Variants in ZDHHC16 observed in about 807,000 individuals in gnomAD.
ZDHHC16 encodes the protein palmitoyltransferase ZDHHC16.
ZDHHC16 carries 33 observed loss-of-function variants against 54.4 expected under a neutral mutation model. The observed-to-expected ratio is 0.61, with a 90% CI of 0.46 to 0.81. ZDHHC16 has a LOEUF of 0.81. Ranked by LOEUF, ZDHHC16 falls within the 30% of genes least tolerant of loss-of-function variation. The pLI is 0.00. For synonymous variants in ZDHHC16, 185 were observed against 182.1 expected, an observed-to-expected ratio of 1.02 and a Z score of -0.13; for missense variants, 420 against 485.9, an observed-to-expected ratio of 0.86 and a Z score of 1.28.
Position 97,456,948 on chromosome 10 carries a change from G to C in ZDHHC16, c.*57G>C. On this transcript the variant is annotated 3_prime_UTR_variant, in exon 12 of 12. Coordinates refer to ENST00000393760, the MANE Select transcript of ZDHHC16 (RefSeq NM_198046.3). ...CATTCTGCTCCCTATGTTATTTCAA[G>C]GGCCTCCAAGGGCAGCTTTTCTCAG... 7.5e-7 allele frequency: 1 copy of C among 1,341,720 alleles called. No individual in the cohort carries two copies. Among genetic ancestry groups the C allele is most frequent in the South Asian group, 1.4e-5 (1 of 70,122 alleles). 83.1% of individuals were successfully genotyped at this position (1,341,720 alleles called of 1,614,324 possible).
chr10:97,454,803 T>C lies in ZDHHC16; in HGVS notation c.824+4T>C, dbSNP rs1436766786. 4 of 1,613,912 alleles carry C rather than the reference T, an allele frequency of 2.5e-6. No individual in the cohort carries two copies. Among genetic ancestry groups the C allele is most frequent in the Non-Finnish European group, 3.4e-6 (4 of 1,179,934 alleles). ...TCTACCTCTGGTTCCTGTGCAGGTATTTGTTTTTGATAGTTTTAAGGGAGG... is the reference window on the plus strand; with the variant it reads ...TCTACCTCTGGTTCCTGTGCAGGTACTTGTTTTTGATAGTTTTAAGGGAGG... On this transcript the variant is annotated splice_donor_region_variant and intron_variant, in intron 9 of 11. Transcript: ENST00000393760.
Position 97,446,267 on chromosome 10 carries a change from G to C in ZDHHC16, c.-272G>C, listed in dbSNP as rs1414918554. ...GGTTTGGATTGAGCCGGGCCCGGCC[G>C]GGGCGCCGAGTCGGAGGGGGTGGCA... On this transcript the variant is annotated 5_prime_UTR_variant, in exon 1 of 12. Transcript: ENST00000393760. 3.5e-5 allele frequency: 19 copies of C among 538,188 alleles called. No homozygotes were observed. Among genetic ancestry groups the C allele is most frequent in the Non-Finnish European group, 1.7e-5 (5 of 301,364 alleles). The allele number at this position is 538,188 out of a possible 1,614,324, so 33.3% of individuals were successfully genotyped here. A position where few individuals can be genotyped will look rare whatever the true frequency, so the allele number is the denominator to read the frequency against.
At chr10:97,455,043 C>T (rs1260036972) in intron 9 of ZDHHC16, among the ~76,000 whole-genome samples, 2 of 152,150 alleles carry the variant, frequency 1.3e-5, no homozygotes, top group African/African-American at 2.4e-5. Context: ...AAGTTAAACT[C>T]CTTATTTAAT....
At position 97,452,077 on chromosome 10, in the gene ZDHHC16, C is replaced by T. The variant is rs774722126; in HGVS notation, c.244-13C>T. 2.5e-6 allele frequency: 4 copies of T among 1,613,692 alleles called. No individual in the cohort carries two copies. The highest frequency in any genetic ancestry group is 2.2e-5 in the South Asian group (2 of 91,080). ...CTTGCGCCATGTCTCCCTGACCTTG[C>T]TGGTGTTGGCAGGTGTTCGTGGTCC... On this transcript the variant is annotated splice_polypyrimidine_tract_variant and intron_variant, in intron 3 of 11. Coordinates refer to ENST00000393760, the MANE Select transcript of ZDHHC16 (RefSeq NM_198046.3).
chr10:97,452,404 C>T lies in ZDHHC16; in HGVS notation c.439-11C>T. The T allele has an allele frequency of 1.2e-6, 2 of 1,613,962 alleles. No homozygotes were observed. Among genetic ancestry groups the T allele is most frequent in the Non-Finnish European group, 1.7e-6 (2 of 1,179,900 alleles). On this transcript the variant is annotated splice_polypyrimidine_tract_variant and intron_variant, in intron 4 of 11. Coordinates refer to ENST00000393760, the MANE Select transcript of ZDHHC16 (RefSeq NM_198046.3). ...ACTGGTGCTGCCACGTTATGCTCTC[C>T]CTTCACACAGGGCAGGAATGATATC...
At chr10:97,447,400 G>C (rs1846181251) in intron 1 of ZDHHC16, among the ~76,000 whole-genome samples, 1 of 152,250 alleles carries the variant, frequency 6.6e-6, no homozygotes, top group Admixed American at 6.5e-5. Flanking sequence ...AAACAGATGT[G>C]ACTTAAAGCC....
At chr10:97,449,074 T>C (rs961567523) in intron 1 of ZDHHC16, among the ~76,000 whole-genome samples, 2 of 152,052 alleles carry the variant, frequency 1.3e-5, no homozygotes, top group Non-Finnish European at 2.9e-5. Flanking sequence ...CCCAGTAGAG[T>C]TGAATGATTT....
chr10:97,446,180 T>A lies in ZDHHC16; in HGVS notation c.-359T>A. On this transcript the variant is annotated 5_prime_UTR_variant, in exon 1 of 12. Transcript: ENST00000393760. Reference sequence around the variant, plus strand: ...CCACGCTGGCGCCTGCGCGTGTGGTTGAGGATGGGCTGGCGGCGGGTCCGG... The same window carrying A: ...CCACGCTGGCGCCTGCGCGTGTGGTAGAGGATGGGCTGGCGGCGGGTCCGG... 1.3e-6 allele frequency: 1 copy of A among 781,164 alleles called. No individual in the cohort carries two copies. The highest frequency in any genetic ancestry group is 2.1e-6 in the Non-Finnish European group (1 of 485,466). The allele number at this position is 781,164 out of a possible 1,614,324, so 48.4% of individuals were successfully genotyped here.
Position 97,456,938 on chromosome 10 carries a change from G to A in ZDHHC16, c.*47G>A. 6.9e-7 allele frequency: 1 copy of A among 1,453,100 alleles called. No individual in the cohort carries two copies. Among genetic ancestry groups the A allele is most frequent in the Non-Finnish European group, 9.3e-7 (1 of 1,072,914 alleles). The allele number at this position is 1,453,100 out of a possible 1,614,324, so 90.0% of individuals were successfully genotyped here. A position where few individuals can be genotyped will look rare whatever the true frequency, so the allele number is the denominator to read the frequency against. Reference sequence around the variant, plus strand: ...CTCGAGCACTCATTCTGCTCCCTATGTTATTTCAAGGGCCTCCAAGGGCAG... The same window carrying A: ...CTCGAGCACTCATTCTGCTCCCTATATTATTTCAAGGGCCTCCAAGGGCAG... On this transcript the variant is annotated 3_prime_UTR_variant, in exon 12 of 12. Coordinates refer to ENST00000393760, the MANE Select transcript of ZDHHC16 (RefSeq NM_198046.3).
chr10:97,455,809 G>C (rs1040099301), intron 10 of ZDHHC16, 26 bp downstream of exon 10: 8 of 1,609,724 alleles, frequency 5.0e-6, no homozygotes, highest in Non-Finnish European at 5.1e-6. Flanking sequence ...GGCTCGGGGT[G>C]GGTAGGTGGG....
At position 97,446,280 on chromosome 10, in the gene ZDHHC16, G is replaced by T. The variant is rs1433050910; in HGVS notation, c.-259G>T. ...CCGGGCCCGGCCGGGGCGCCGAGTC[G>T]GAGGGGGTGGCAGTGAGCGGCGGCA... On this transcript the variant is annotated 5_prime_UTR_variant, in exon 1 of 12. Transcript: ENST00000393760. 8 of 526,756 alleles carry T rather than the reference G, an allele frequency of 1.5e-5. No homozygotes were observed. The highest frequency in any genetic ancestry group is 9.7e-5 in the African/African-American group (5 of 51,318). 32.6% of individuals were successfully genotyped at this position (526,756 alleles called of 1,614,324 possible).
intron 2 of ZDHHC16, 104 bp downstream of exon 2, chr10:97,450,640 A>G (rs1025309280): frequency 1.3e-5 from 2 of 152,280 alleles, no homozygotes; most frequent in Non-Finnish European, 2.9e-5. Context: ...GTCATTGCCC[A>G]GGCAGCCGAT....
intron 8 of ZDHHC16, 60 bp from the exon 9 acceptor site, chr10:97,454,654 G>A: frequency 1.4e-6 from 2 of 1,432,222 alleles, no homozygotes; most frequent in Non-Finnish European, 2.0e-6. Flanking sequence ...ATAGGTGCTG[G>A]GGGCAGTTGC....
intron 6 of ZDHHC16, 58 bp downstream of exon 6, chr10:97,452,981 G>T: frequency 3.7e-6 from 6 of 1,609,526 alleles, no homozygotes; most frequent in Non-Finnish European, 5.1e-6. Context: ...GCACTGTACA[G>T]GGTTAATGGC....
intron 5 of ZDHHC16, 165 bp downstream of exon 5, chr10:97,452,668 T>C: frequency 1.1e-6 from 1 of 915,484 alleles, no homozygotes. Context: ...TCCTGTGAGT[T>C]AGGCATTATT....
In ZDHHC16 at chr10:97,453,439, T is replaced by G. The variant is rs1589509319; in HGVS notation, c.557-91T>G. The G allele has an allele frequency of 4.6e-6, 7 of 1,525,244 alleles. No individual in the cohort carries two copies. The East Asian group carries it at 1.4e-4, about 30-fold the overall frequency. The allele number at this position is 1,525,244 out of a possible 1,614,324, so 94.5% of individuals were successfully genotyped here. A position where few individuals can be genotyped will look rare whatever the true frequency, so the allele number is the denominator to read the frequency against. ...AGTGACTGGAAGCCTGAGGCTTGGGTGATATTGTCAGGAACCAGGGATGAA... is the reference window on the plus strand; with the variant it reads ...AGTGACTGGAAGCCTGAGGCTTGGGGGATATTGTCAGGAACCAGGGATGAA... On this transcript the variant is annotated intron_variant, in intron 6 of 11. Coordinates refer to ENST00000393760, the MANE Select transcript of ZDHHC16 (RefSeq NM_198046.3).
Position 97,446,309 on chromosome 10 carries a change from G to T in ZDHHC16, c.-230G>T, listed in dbSNP as rs1324897083. 2.1e-5 allele frequency: 10 copies of T among 472,264 alleles called. No individual in the cohort carries two copies. The South Asian group carries it at 2.2e-4, about 11-fold the overall frequency. 29.3% of individuals were successfully genotyped at this position (472,264 alleles called of 1,614,324 possible). Reference sequence around the variant, plus strand: ...GGGGTGGCAGTGAGCGGCGGCAGAGGCTACGGGGCTCGGTTTGGCTGACTG... The same window carrying T: ...GGGGTGGCAGTGAGCGGCGGCAGAGTCTACGGGGCTCGGTTTGGCTGACTG... On this transcript the variant is annotated 5_prime_UTR_variant, in exon 1 of 12. Coordinates refer to ENST00000393760, the MANE Select transcript of ZDHHC16 (RefSeq NM_198046.3).
chr10:97,453,050 C>A, intron 6 of ZDHHC16, 127 bp downstream of exon 6: 1 of 1,237,698 alleles, frequency 8.1e-7, no homozygotes, highest in Non-Finnish European at 1.2e-6. Flanking sequence ...GGGGCCTGAC[C>A]ATCTCCTGGG....
intron 9 of ZDHHC16, 97 bp downstream of exon 9, chr10:97,454,896 C>T (rs1386957200): frequency 2.4e-5 from 24 of 1,020,142 alleles, no homozygotes; most frequent in Admixed American, 3.7e-5. Context: ...AAGTGAACTG[C>T]CACTGCTCTA....
Sources: allele counts gnomAD v4.1 joint callset (sites outside exome capture counted in the v4.1 genomes callset), GRCh38; gene constraint gnomAD v4.1.1; transcripts MANE v1.5; gene names NCBI Gene and HGNC (gene_info 2026-07-23, HGNC 2026-07-21).